Variants in CCNG1 observed in about 807,000 individuals in gnomAD.
CCNG1 encodes cyclin G1, also known as cyclin-G1.
CCNG1 carries 13 observed loss-of-function variants against 30.0 expected under a neutral mutation model. That is an observed-to-expected ratio of 0.43 (90% CI 0.28 to 0.69). The LOEUF (loss-of-function observed/expected upper bound fraction) is 0.69, where lower values mean the gene tolerates loss of function less well. CCNG1 is among the 30% of genes least tolerant of loss of function. CCNG1 has a pLI of 0.16. For missense variants in CCNG1, 285 were observed against 331.4 expected, an observed-to-expected ratio of 0.86 and a Z score of 1.09; for synonymous variants, 110 against 121.5, an observed-to-expected ratio of 0.91 and a Z score of 0.62.
At chr5:163,450,091 A>C (rs1758140766), downstream of CCNG1, 1 of 151,992 alleles carries the variant, frequency 6.6e-6, no homozygotes, top group Non-Finnish European at 1.5e-5. Context: ...ACTCTACTAA[A>C]AATAAAAAAT....
At chr5:163,439,670 TATC>T (rs773340911) in intron 2 of CCNG1, 150 bp downstream of exon 2, 6 of 635,252 alleles carry the variant, frequency 9.4e-6, no homozygotes, top group African/African-American at 1.8e-5. Context: ...TAATATTTCT[TATC>T]ATAATCAAGA....
At chr5:163,454,120 T>C in the CCNG1 span, 2 of 748,260 alleles carry the variant, frequency 2.7e-6, no homozygotes, top group East Asian at 6.1e-5. Context: ...AACTGGCAAT[T>C]GATAAAAAAG....
At chr5:163,457,032 G>C in the CCNG1 span, 1 of 1,612,828 alleles carries the variant, frequency 6.2e-7, no homozygotes, top group South Asian at 1.1e-5. Context: ...ACAATTTGCT[G>C]CATCTCTCTT....
rs1208394518 is a variant in CCNG1, at chr5:163,442,456, C to T, written c.779C>T (p.Pro260Leu). 1.2e-6 allele frequency: 2 copies of T among 1,613,882 alleles called. No individual in the cohort carries two copies. Among genetic ancestry groups the T allele is most frequent in the Non-Finnish European group, 1.7e-6 (2 of 1,179,832 alleles). ...TATTCATCAAATAAGTGTTCCAAAC[C>T]AAATGTTCAGAAGTTGAAATGGATT... is the stretch of plus-strand genomic sequence containing the variant. ...TEYSSNKCSK[P>L]NVQKLKWIVS... The change falls in exon 6 of 7, where the codon CCA (proline) becomes CTA (leucine). Residue 260 changes from proline to leucine, a missense_variant. Transcript: ENST00000340828.
At chr5:163,454,076 T>C in the CCNG1 span, 15 of 1,271,324 alleles carry the variant, frequency 1.2e-5, no homozygotes, top group African/African-American at 2.0e-4. Context: ...ATATATATAA[T>C]GAAATAAAAC....
chr5:163,439,018 CCTT>C (rs1216982613), intron 1 of CCNG1, among the ~76,000 whole-genome samples: 2 of 134,750 alleles, frequency 1.5e-5, no homozygotes, highest in Admixed American at 7.3e-5. Flanking sequence ...GAGCGAGACT[CCTT>C]CTCAAAAAAA....
downstream of CCNG1, among the ~76,000 whole-genome samples, chr5:163,445,620 A>ATTTTTTTTTTTTTTTTT (rs56065634): frequency 1.9e-5 from 2 of 107,986 alleles, no homozygotes; most frequent in Admixed American, 1.2e-4. Flanking sequence ...CACCCAGCTA[A>ATTTTTTTTTTTTTTTTT]TTTTTTTTTT....
At chr5:163,455,659 G>T in the CCNG1 span, among the ~76,000 whole-genome samples, 1 of 151,804 alleles carries the variant, frequency 6.6e-6, no homozygotes, top group Non-Finnish European at 1.5e-5. Context: ...AGCTACTCGG[G>T]AGGCTGAGGC....
the CCNG1 span, chr5:163,457,165 A>T: frequency 1.0e-4 from 135 of 1,348,882 alleles, no homozygotes; most frequent in Non-Finnish European, 1.3e-4. Context: ...AGACAGTATC[A>T]CTCTCACCCA....
intron 1 of CCNG1, among the ~76,000 whole-genome samples, chr5:163,438,470 A>G (rs752238126): frequency 3.0e-4 from 45 of 152,204 alleles, no homozygotes; most frequent in Non-Finnish European, 5.4e-4. Flanking sequence ...CGTCTACTGT[A>G]TGTGCTAAGC....
the CCNG1 span, chr5:163,453,771 A>G: frequency 5.3e-6 from 2 of 375,078 alleles, no homozygotes; most frequent in Middle Eastern, 7.3e-4. Flanking sequence ...CAACTTTACC[A>G]TATATCCATA....
downstream of CCNG1, chr5:163,447,901 G>C (rs1356015576): frequency 6.6e-6 from 1 of 152,160 alleles, no homozygotes; most frequent in Non-Finnish European, 1.5e-5. Context: ...ACCGTGCTTG[G>C]AATGCAGCCA....
At chr5:163,455,335 A>C in the CCNG1 span, among the ~76,000 whole-genome samples, 1 of 152,226 alleles carries the variant, frequency 6.6e-6, no homozygotes, top group Non-Finnish European at 1.5e-5. Context: ...AGTATGGCAA[A>C]AGCAGAATCA....
the CCNG1 span, chr5:163,457,511 A>G: frequency 9.5e-7 from 1 of 1,057,604 alleles, no homozygotes; most frequent in Middle Eastern, 2.1e-4. Context: ...AGAGGAAAAG[A>G]TATCAAGACA....
At position 163,440,023 on chromosome 5, in the gene CCNG1, G is replaced by T. The variant is rs552681722; in HGVS notation, c.264+503G>T. Among the ~76,000 whole-genome samples the T allele has an allele frequency of 1.2e-4, 18 of 151,574 alleles. No homozygotes were observed. In the East Asian group the frequency reaches 2.1e-3, roughly 18 times the overall value. On this transcript the variant is annotated intron_variant, in intron 2 of 6. Transcript: ENST00000340828. ...AGTAGGGAGGAGAGTGTGTCTGAAG[G>T]AGGAGCAACTATTTTCCTATACTAG...
the CCNG1 span, among the ~76,000 whole-genome samples, chr5:163,454,922 AC>A: frequency 6.6e-6 from 1 of 152,224 alleles, no homozygotes; most frequent in Non-Finnish European, 1.5e-5. Flanking sequence ...ATCAACCAGT[AC>A]AGGGGCTGGC....
chr5:163,440,641 T>C lies in CCNG1; in HGVS notation c.265-437T>C, dbSNP rs375373228. On this transcript the variant is annotated intron_variant, in intron 2 of 6. Transcript: ENST00000340828. ...AGTATATGCCATAGTATTTTAAAACTGTTTTATATGTGTTCCCACAAAGAC... is the reference window on the plus strand; with the variant it reads ...AGTATATGCCATAGTATTTTAAAACCGTTTTATATGTGTTCCCACAAAGAC... Among the ~76,000 whole-genome samples the C allele has an allele frequency of 3.8e-3, 572 of 152,298 alleles. 5 individuals are homozygous for C. Among genetic ancestry groups the C allele is most frequent in the African/African-American group, 0.013 (550 of 41,562 alleles).
At chr5:163,438,065 A>G (rs1053737790) in intron 1 of CCNG1, among the ~76,000 whole-genome samples, 1 of 152,242 alleles carries the variant, frequency 6.6e-6, no homozygotes, top group Middle Eastern at 3.4e-3. Context: ...GGTTCCTCAC[A>G]TGACTAGCTC....
chr5:163,441,615 A>C (rs965593417), intron 3 of CCNG1: 14 of 477,988 alleles, frequency 2.9e-5, no homozygotes, highest in Non-Finnish European at 4.7e-5. Context: ...TGGATGTTGA[A>C]ATATTTATTA....
Sources: gnomAD v4.1 joint callset for allele counts (sites outside exome capture counted in the v4.1 genomes callset) on GRCh38, gnomAD v4.1.1 for gene constraint, MANE v1.5 for transcripts, NCBI Gene and HGNC (gene_info 2026-07-23, HGNC 2026-07-21) for gene names.